EMID1: variants seen among roughly 807,000 people sequenced by gnomAD.
EMID1 encodes EMI domain containing 1, also known as EMI domain-containing protein 1.
In EMID1, 40 loss-of-function variants were observed where a neutral mutation model predicts 60.6. The ratio of observed to expected loss-of-function variants is 0.66; its 90% CI spans 0.51 to 0.86. The LOEUF (loss-of-function observed/expected upper bound fraction) is 0.86. EMID1 is among the 40% of genes least tolerant of loss of function. EMID1 has a pLI of 0.00. For missense variants in EMID1, 585 were observed against 597.1 expected, an observed-to-expected ratio of 0.98 and a Z score of 0.21; for synonymous variants, 242 against 231.0, an observed-to-expected ratio of 1.05 and a Z score of -0.43.
Position 29,254,229 on chromosome 22 carries a change from G to A in EMID1, c.1146G>A (p.Glu382=), listed in dbSNP as rs946483988. Residue 382 remains glutamate (E), a synonymous_variant, in exon 14 of 15, where the codon GAG becomes GAA. Transcript: ENST00000334018. The part of the protein sequence containing the change: ...HWGEGLHQLR[E]ALKILAERVL... Reference sequence around the variant, plus strand: ...GGGAGGGGTTGCACCAGCTACGCGAGGCTTTGAAGATTTTAGCTGAGAGGG... The same window carrying A: ...GGGAGGGGTTGCACCAGCTACGCGAAGCTTTGAAGATTTTAGCTGAGAGGG... 6.2e-6 allele frequency: 10 copies of A among 1,614,094 alleles called. No homozygotes were observed. In the African/African-American group the frequency reaches 1.1e-4, roughly 17 times the overall value.
At chr22:29,230,884 T>C in intron 5 of EMID1, 136 bp from the exon 6 acceptor site, 1 of 1,102,064 alleles carries the variant, frequency 9.1e-7, no homozygotes. Context: ...TAAGCCCGGG[T>C]GGTTGAGGCT....
intron 11 of EMID1, 21 bp downstream of exon 11, chr22:29,234,220 A>C: frequency 6.2e-7 from 1 of 1,608,406 alleles, no homozygotes; most frequent in Non-Finnish European, 8.5e-7. Flanking sequence ...AGGTGGCCCC[A>C]GGTGGGGGAA....
At chr22:29,230,053 C>T (rs2040671690) in intron 5 of EMID1, among the ~76,000 whole-genome samples, 1 of 152,204 alleles carries the variant, frequency 6.6e-6, no homozygotes, top group African/African-American at 2.4e-5. Context: ...TAGTGAAAGG[C>T]CGGGAGTGGT....
chr22:29,237,070 C>G (rs12161095), intron 12 of EMID1, among the ~76,000 whole-genome samples: 1 of 149,446 alleles, frequency 6.7e-6, no homozygotes, highest in African/African-American at 2.5e-5. Flanking sequence ...GCTGGAATTA[C>G]GGGTGTGAGC....
In EMID1 at chr22:29,231,123, G is replaced by A. The variant is rs1339812756; in HGVS notation, c.569G>A (p.Gly190Glu). 1 of 1,607,416 alleles carries A rather than the reference G, an allele frequency of 6.2e-7. No homozygotes were observed. The highest frequency in any genetic ancestry group is 2.2e-5 in the East Asian group (1 of 44,822). Reference sequence around the variant, plus strand: ...CCCCCTCCTGCCCAGGGCAGCCCCGGAGATGGAGGCCTCCAGGGTGAGTGT... The same window carrying A: ...CCCCCTCCTGCCCAGGGCAGCCCCGAAGATGGAGGCCTCCAGGGTGAGTGT... ...WGPPPAQGSPGDGGLQDQVGA... is the reference protein window; with the variant it reads ...WGPPPAQGSPEDGGLQDQVGA... The change falls in exon 6 of 15, where the codon GGA (glycine) becomes GAA (glutamate). Residue 190 changes from glycine to glutamate, a missense_variant. Gly to Glu is a moderately conservative substitution (Grantham distance 98). Coordinates refer to ENST00000334018, the MANE Select transcript of EMID1 (RefSeq NM_133455.4).
At chr22:29,225,346 T>A in intron 4 of EMID1, 130 bp downstream of exon 4, 1 of 922,386 alleles carries the variant, frequency 1.1e-6, no homozygotes, top group Non-Finnish European at 1.6e-6. Context: ...GTAACTATCT[T>A]CCCACCCCAT....
At chr22:29,217,014 C>T (rs1293232560) in intron 3 of EMID1, among the ~76,000 whole-genome samples, 3 of 152,110 alleles carry the variant, frequency 2.0e-5, no homozygotes, top group South Asian at 2.1e-4. Flanking sequence ...CAGGTGGGGC[C>T]GAGGGGCAGG....
At chr22:29,207,262 G>A (rs969632229) in intron 1 of EMID1, among the ~76,000 whole-genome samples, 1 of 152,252 alleles carries the variant, frequency 6.6e-6, no homozygotes, top group Non-Finnish European at 1.5e-5. Context: ...AGGGGTGGAC[G>A]TGTGGCAGAT....
In EMID1 at chr22:29,225,072, CA is replaced by C. The variant is rs56780391; in HGVS notation, c.320-60del. 9.9e-3 allele frequency: 15,479 copies of C among 1,562,362 alleles called. 1,293 individuals are homozygous for C. In the African/African-American group the frequency reaches 0.18, roughly 18 times the overall value. ...TCCCTGCTGGGGCTACAGTGGTGGG[CA>C]GGGGGGCCTGAGGAGGCAAGGATCA... On this transcript the variant is annotated intron_variant, in intron 3 of 14. Transcript: ENST00000334018.
intron 3 of EMID1, among the ~76,000 whole-genome samples, chr22:29,223,943 C>T (rs752660890): frequency 6.6e-6 from 1 of 152,240 alleles, no homozygotes; most frequent in Non-Finnish European, 1.5e-5. Context: ...ATACAAGGTC[C>T]TTCACATGAG....
intron 2 of EMID1, 39 bp from the exon 3 acceptor site, chr22:29,215,488 G>A (rs771208492): frequency 1.9e-6 from 3 of 1,586,442 alleles, no homozygotes; most frequent in Non-Finnish European, 2.6e-6. Flanking sequence ...AGGTCATGGA[G>A]GACCCTGTCT....
At chr22:29,226,422 AGACTGAAGGGTTCTGAGGGGAAGCCTAG>A in intron 4 of EMID1, 40 bp from the exon 5 acceptor site, 1 of 1,539,056 alleles carries the variant, frequency 6.5e-7, no homozygotes, top group Non-Finnish European at 8.8e-7. Context: ...CAACCCCCAG[AGACTGAAGGGTTCTGAGGGGAAGCCTAG>A]GACCCTTGGC....
chr22:29,230,871 G>T, intron 5 of EMID1, 149 bp from the exon 6 acceptor site: 2 of 957,232 alleles, frequency 2.1e-6, no homozygotes, highest in Non-Finnish European at 1.5e-6. Context: ...CAGAAGGATC[G>T]CTTAAGCCCG....
chr22:29,215,327 G>A, intron 2 of EMID1, 200 bp from the exon 3 acceptor site: 1 of 962,334 alleles, frequency 1.0e-6, no homozygotes, highest in Non-Finnish European at 1.2e-6. Flanking sequence ...TGTCCAGCTG[G>A]TATCCAATCT....
chr22:29,246,273 G>C (rs1264799988), intron 13 of EMID1, among the ~76,000 whole-genome samples: 1 of 152,024 alleles, frequency 6.6e-6, no homozygotes, highest in African/African-American at 2.4e-5. Flanking sequence ...CAGGGTGTAG[G>C]AGGCCACGTT....
intron 12 of EMID1, among the ~76,000 whole-genome samples, chr22:29,239,058 T>G (rs2041064638): frequency 6.9e-6 from 1 of 144,240 alleles, no homozygotes; most frequent in Admixed American, 6.8e-5. Context: ...ATTTACATCT[T>G]TTGTAATTGT....
intron 5 of EMID1, among the ~76,000 whole-genome samples, chr22:29,228,581 G>A (rs2040614008): frequency 6.6e-6 from 1 of 152,050 alleles, no homozygotes; most frequent in Non-Finnish European, 1.5e-5. Context: ...TCTTTTGTTT[G>A]TTCGTTTTGT....
intron 14 of EMID1, among the ~76,000 whole-genome samples, chr22:29,257,689 C>G (rs909316625): frequency 6.6e-6 from 1 of 152,218 alleles, no homozygotes; most frequent in Non-Finnish European, 1.5e-5. Flanking sequence ...CAGCATTTCC[C>G]GTGAAAACCA....
At chr22:29,236,173 C>T (rs1243954497) in intron 12 of EMID1, among the ~76,000 whole-genome samples, 3 of 152,084 alleles carry the variant, frequency 2.0e-5, no homozygotes, top group Non-Finnish European at 4.4e-5. Context: ...GCAGGAGGAT[C>T]ACTTGAAATC....
Sources: gnomAD v4.1 joint callset for allele counts (sites outside exome capture counted in the v4.1 genomes callset) on GRCh38, gnomAD v4.1.1 for gene constraint, MANE v1.5 for transcripts, NCBI Gene and HGNC (gene_info 2026-07-23, HGNC 2026-07-21) for gene names.